The following ZBTB41 variants were observed in gnomAD, a reference collection of about 807,000 sequenced individuals.
ZBTB41 encodes zinc finger and BTB domain-containing protein 41.
In ZBTB41, 42 loss-of-function variants were observed where a neutral mutation model predicts 87.6. The ratio of observed to expected loss-of-function variants is 0.48; its 90% confidence interval spans 0.37 to 0.62. The LOEUF (loss-of-function observed/expected upper bound fraction) is 0.62. Ranked by LOEUF, ZBTB41 falls within the 20% of genes least tolerant of loss-of-function variation. ZBTB41 has a pLI of 0.00. For synonymous variants in ZBTB41, 364 were observed against 364.0 expected (o/e 1.00, Z 0.00); for missense variants, 799 against 1,078.9 (o/e 0.74, Z 3.63).
chr1:197,172,250 TA>T lies in ZBTB41; in HGVS notation c.1986-3del. 2 of 1,206,444 alleles carry T rather than the reference TA, an allele frequency of 1.7e-6. No homozygotes were observed. Among genetic ancestry groups the T allele is most frequent in the Non-Finnish European group, 2.2e-6 (2 of 908,344 alleles). The allele number at this position is 1,206,444 out of a possible 1,614,324, so 74.7% of individuals were successfully genotyped here. A position where few individuals can be genotyped will look rare whatever the true frequency, so the allele number is the denominator to read the frequency against. On this transcript the variant is annotated splice_region_variant and splice_polypyrimidine_tract_variant and intron_variant, in intron 9 of 10. Transcript: ENST00000367405. ...CATTGATGAAATGTTGCTTTATATC[TA>T]AGAAAATAAAAAGATTTGAGTTTTT...
intron 9 of ZBTB41, among the ~76,000 whole-genome samples, chr1:197,174,012 A>C (rs1281993426): frequency 6.6e-6 from 1 of 152,158 alleles, no homozygotes; most frequent in Non-Finnish European, 1.5e-5. Flanking sequence ...TTGGGCTGAG[A>C]AACCTTGCTC....
At chr1:197,191,477 A>G (rs75051009) in intron 3 of ZBTB41, among the ~76,000 whole-genome samples, 4 of 131,326 alleles carry the variant, frequency 3.0e-5, no homozygotes, top group South Asian at 2.7e-4. Flanking sequence ...AAAAAAAAAA[A>G]AGAGAAAGAA....
chr1:197,164,826 C>T (rs866755766), intron 10 of ZBTB41, among the ~76,000 whole-genome samples: 5 of 108,610 alleles, frequency 4.6e-5, no homozygotes, highest in African/African-American at 2.1e-4. Flanking sequence ...ATATATAATA[C>T]ATATCTAATA....
intron 5 of ZBTB41, among the ~76,000 whole-genome samples, chr1:197,186,552 A>G (rs952183403): frequency 6.6e-6 from 1 of 152,202 alleles, no homozygotes; most frequent in African/African-American, 2.4e-5. Context: ...CTCAACAATA[A>G]GTAAGCAACT....
intron 10 of ZBTB41, among the ~76,000 whole-genome samples, chr1:197,164,927 ATATAT>A (rs1347309274): frequency 9.2e-5 from 5 of 54,424 alleles, no homozygotes; most frequent in African/African-American, 2.5e-4. Flanking sequence ...TACATATCTA[ATATAT>A]TATATATATT....
chr1:197,154,443 C>G lies in ZBTB41; in HGVS notation c.*4916G>C, dbSNP rs1659017232. The G allele has an allele frequency of 6.6e-6, 1 of 152,042 alleles. No individual in the cohort carries two copies. The highest frequency in any genetic ancestry group is 2.1e-4 in the South Asian group (1 of 4,832). The allele number at this position is 152,042 out of a possible 1,614,324, so 9.4% of individuals were successfully genotyped here. A position where few individuals can be genotyped will look rare whatever the true frequency, so the allele number is the denominator to read the frequency against. ...ATTTAAATTGTTTTAGGATTTTTCT[C>G]AAGATCATAGATTTATGATCATACA... On this transcript the variant is annotated 3_prime_UTR_variant, in exon 11 of 11. Transcript: ENST00000367405.
chr1:197,190,168 G>A (rs1359546035), intron 4 of ZBTB41, among the ~76,000 whole-genome samples: 8 of 151,954 alleles, frequency 5.3e-5, no homozygotes, highest in African/African-American at 1.9e-4. Context: ...TGATCCACTC[G>A]CCTAGGCCTC....
In ZBTB41 at chr1:197,200,247, T is replaced by C; in HGVS notation, c.227A>G (p.Tyr76Cys). Reference sequence around the variant, plus strand: ...TTGCTTCTGCCTATCATCATTTAAATATTTTAGCAAATTCTTATTATACTG... The same window carrying C: ...TTGCTTCTGCCTATCATCATTTAAACATTTTAGCAAATTCTTATTATACTG... ...SLQYNKNLLK[Y>C]LNDDRQKQPS... Residue 76 changes from tyrosine (Y) to cysteine (C), a missense_variant, in exon 2 of 11, where the codon TAT (tyrosine) becomes TGT (cysteine). Around this residue, in one of 5 missense-constraint regions of ZBTB41, gnomAD observed 59 missense variants for 120.1 expected, o/e 0.49. Coordinates refer to ENST00000367405, the MANE Select transcript of ZBTB41 (RefSeq NM_194314.3). 1.2e-6 allele frequency: 2 copies of C among 1,612,206 alleles called. No individual in the cohort carries two copies. The highest frequency in any genetic ancestry group is 1.1e-5 in the South Asian group (1 of 90,578).
intron 4 of ZBTB41, among the ~76,000 whole-genome samples, chr1:197,189,812 G>C (rs1659980863): frequency 6.6e-6 from 1 of 152,148 alleles, no homozygotes; most frequent in African/African-American, 2.4e-5. Flanking sequence ...AGAAGCTCAA[G>C]AAGCCTCAAA....
At position 197,172,295 on chromosome 1, in the gene ZBTB41, T is replaced by C. The variant is rs1313129221; in HGVS notation, c.1986-47A>G. On this transcript the variant is annotated intron_variant, in intron 9 of 10. Coordinates refer to ENST00000367405, the MANE Select transcript of ZBTB41 (RefSeq NM_194314.3). ...AGTTTTTCAATATAATTTTAATAAC[T>C]ATAATAAATATGACAATATTAATAA... 3 of 598,878 alleles carry C rather than the reference T, an allele frequency of 5.0e-6. No individual in the cohort carries two copies. In the African/African-American group the frequency reaches 5.9e-5, roughly 12 times the overall value. 37.1% of individuals were successfully genotyped at this position (598,878 alleles called of 1,614,324 possible). A position where few individuals can be genotyped will look rare whatever the true frequency, so the allele number is the denominator to read the frequency against.
chr1:197,172,595 A>G (rs1659507308), intron 9 of ZBTB41, among the ~76,000 whole-genome samples: 3 of 152,074 alleles, frequency 2.0e-5, no homozygotes. Flanking sequence ...GAAACAGATC[A>G]AGAGTGGCCT....
At chr1:197,174,950 A>G in intron 9 of ZBTB41, 60 bp downstream of exon 9, 3 of 1,388,384 alleles carry the variant, frequency 2.2e-6, no homozygotes, top group Non-Finnish European at 3.0e-6. Flanking sequence ...AAAAAAAGTT[A>G]CAACTTTCCT....
In ZBTB41 at chr1:197,154,651, AG is replaced by A. The variant is rs1659024533; in HGVS notation, c.*4707del. ...GTATCTTAAGTAAAAACAATTTTAG[AG>A]GAAATAAGGAGGGGATTCCCTCTAC... On this transcript the variant is annotated 3_prime_UTR_variant, in exon 11 of 11. Transcript: ENST00000367405. The A allele has an allele frequency of 6.6e-6, 1 of 152,170 alleles. No homozygotes were observed. Among genetic ancestry groups the A allele is most frequent in the South Asian group, 2.1e-4 (1 of 4,836 alleles). 9.4% of individuals were successfully genotyped at this position (152,170 alleles called of 1,614,324 possible).
chr1:197,190,933 T>C (rs528848463), intron 3 of ZBTB41, 102 bp from the exon 4 acceptor site: 2 of 689,206 alleles, frequency 2.9e-6, no homozygotes, highest in South Asian at 4.1e-5. Flanking sequence ...CAAGTACTGA[T>C]TCCTTTCATA....
At position 197,157,608 on chromosome 1, in the gene ZBTB41, T is replaced by C. The variant is rs1571641454; in HGVS notation, c.*1751A>G. 6.6e-6 allele frequency: 1 copy of C among 152,164 alleles called. No homozygotes were observed. Among genetic ancestry groups the C allele is most frequent in the Non-Finnish European group, 1.5e-5 (1 of 67,744 alleles). The allele number at this position is 152,164 out of a possible 1,614,324, so 9.4% of individuals were successfully genotyped here. ...TAAGAATACTTTAAAAAGGAGAACATAGTAAGTATGTCCACTAGTCTTAAG... is the reference window on the plus strand; with the variant it reads ...TAAGAATACTTTAAAAAGGAGAACACAGTAAGTATGTCCACTAGTCTTAAG... On this transcript the variant is annotated 3_prime_UTR_variant, in exon 11 of 11. Coordinates refer to ENST00000367405, the MANE Select transcript of ZBTB41 (RefSeq NM_194314.3).
rs1386329067 is a variant in ZBTB41 at position 197,158,554 on chromosome 1, A to G, written c.*805T>C. 1 of 152,394 alleles carries G rather than the reference A, an allele frequency of 6.6e-6. No homozygotes were observed. The highest frequency in any genetic ancestry group is 2.4e-5 in the African/African-American group (1 of 41,458). The allele number at this position is 152,394 out of a possible 1,614,324, so 9.4% of individuals were successfully genotyped here. On this transcript the variant is annotated 3_prime_UTR_variant, in exon 11 of 11. Coordinates refer to ENST00000367405, the MANE Select transcript of ZBTB41 (RefSeq NM_194314.3). ...TGTCAACATTTCTGAAATAAATAGT[A>G]AAGTACAAAAGGTGAACTTACCTTG...
intron 10 of ZBTB41, among the ~76,000 whole-genome samples, chr1:197,170,085 AGGT>A (rs1252703563): frequency 1.3e-5 from 2 of 152,006 alleles, no homozygotes; most frequent in African/African-American, 2.4e-5. Flanking sequence ...TGAAGCAATT[AGGT>A]GTACTGAACT....
In ZBTB41 at chr1:197,164,876, T is replaced by TATATATTATATATAATACATATCTA. The variant is rs1338279717; in HGVS notation, c.2075-4887_2075-4863dup. Among the ~76,000 whole-genome samples the TATATATTATATATAATACATATCTA allele has an allele frequency of 9.9e-4, 104 of 105,010 alleles. 6 individuals carry two copies. Among genetic ancestry groups the TATATATTATATATAATACATATCTA allele is most frequent in the African/African-American group, 4.2e-3 (100 of 24,010 alleles). The allele number at this position is 105,010 out of a possible 152,430, so 68.9% of individuals were successfully genotyped here. A position where few individuals can be genotyped will look rare whatever the true frequency, so the allele number is the denominator to read the frequency against. ...TATATAATACATATCTAATATATTA[T>TATATATTATATATAATACATATCTA]ATATATTATATATAATACATATCTA... On this transcript the variant is annotated intron_variant, in intron 10 of 10. Coordinates refer to ENST00000367405, the MANE Select transcript of ZBTB41 (RefSeq NM_194314.3).
chr1:197,162,357 C>T (rs1429037703), intron 10 of ZBTB41, among the ~76,000 whole-genome samples: 1 of 152,062 alleles, frequency 6.6e-6, no homozygotes, highest in East Asian at 1.9e-4. Flanking sequence ...TAGAGTGCAT[C>T]TCAAGATCAT....
Sources: gnomAD v4.1 joint callset for allele counts (sites outside exome capture counted in the v4.1 genomes callset) on GRCh38, gnomAD v4.1.1 for gene constraint, gnomAD v4.1.1 regional missense constraint, MANE v1.5 for transcripts, NCBI Gene and HGNC (gene_info 2026-07-23, HGNC 2026-07-21) for gene names.